Variants in VPS13B observed in about 807,000 individuals in gnomAD.
VPS13B encodes the protein vacuolar protein sorting 13 homolog B.
VPS13B carries 285 observed loss-of-function variants against 426.4 expected under a neutral mutation model. The ratio of observed to expected loss-of-function variants is 0.67; its 90% CI spans 0.61 to 0.74. The LOEUF is 0.74. Ranked by LOEUF, VPS13B falls within the 30% of genes least tolerant of loss-of-function variation. The pLI, the probability that VPS13B is intolerant of heterozygous loss-of-function variation, is 0.00. For missense variants in VPS13B, 4,537 were observed against 4,782.6 expected, an observed-to-expected ratio of 0.95 and a Z score of 1.51; for synonymous variants, 1,676 against 1,676.4, an observed-to-expected ratio of 1.00 and a Z score of 0.01.
intron 34 of VPS13B, among the ~76,000 whole-genome samples, chr8:99,649,631 C>T (rs199988479): frequency 8.7e-6 from 1 of 114,376 alleles, no homozygotes; most frequent in African/African-American, 2.9e-5. Context: ...TACATACACA[C>T]ACACACACAC....
At chr8:99,672,768 G>A (rs768305640) in intron 35 of VPS13B, among the ~76,000 whole-genome samples, 15 of 151,904 alleles carry the variant, frequency 9.9e-5, no homozygotes, top group African/African-American at 3.6e-4. Flanking sequence ...AATATGATGT[G>A]ACCTGTGAAT....
intron 30 of VPS13B, among the ~76,000 whole-genome samples, chr8:99,530,764 G>A (rs1563779142): frequency 6.6e-6 from 1 of 152,110 alleles, no homozygotes; most frequent in East Asian, 1.9e-4. Context: ...AATCTCATGA[G>A]TCAGGTATTA....
chr8:99,396,220 A>C (rs1814718944), intron 21 of VPS13B, among the ~76,000 whole-genome samples: 7 of 152,170 alleles, frequency 4.6e-5, no homozygotes, highest in Admixed American at 4.6e-4. Flanking sequence ...ATTTGGAATT[A>C]TCTATGTATC....
At chr8:99,858,647 T>C (rs536726491) in intron 56 of VPS13B, among the ~76,000 whole-genome samples, 11 of 151,672 alleles carry the variant, frequency 7.3e-5, no homozygotes, top group African/African-American at 2.7e-4. Context: ...ATTGCACCAC[T>C]GCACTCCAGC....
intron 3 of VPS13B, among the ~76,000 whole-genome samples, chr8:99,074,842 G>C (rs1026167545): frequency 2.6e-5 from 4 of 151,924 alleles, no homozygotes; most frequent in Non-Finnish European, 5.9e-5. Context: ...TCACCATGTT[G>C]GTCAGGCTGG....
intron 16 of VPS13B, among the ~76,000 whole-genome samples, chr8:99,189,171 G>A (rs6983538): frequency 0.72 from 110,087 of 151,906 alleles, 40,541 homozygotes; most frequent in Middle Eastern, 0.83. Context: ...GGATGGTCTC[G>A]ATCTCCTGAC....
At chr8:99,308,578 A>G (rs914263331) in intron 19 of VPS13B, among the ~76,000 whole-genome samples, 1 of 152,058 alleles carries the variant, frequency 6.6e-6, no homozygotes, top group Non-Finnish European at 1.5e-5. Flanking sequence ...CCAGTCTATC[A>G]TTGTTGGACA....
intron 19 of VPS13B, 91 bp downstream of exon 19, chr8:99,275,345 T>C: frequency 7.7e-7 from 1 of 1,290,398 alleles, no homozygotes; most frequent in Non-Finnish European, 1.0e-6. Flanking sequence ...ATTTTTTTTT[T>C]TTTAGGTATT....
At chr8:99,508,041 T>G (rs1821591664) in intron 28 of VPS13B, 1 of 1,409,784 alleles carries the variant, frequency 7.1e-7, no homozygotes, top group African/African-American at 1.4e-5. Context: ...AAATGAAGTA[T>G]AATGTAATTT....
chr8:99,592,823 CT>C (rs1240365298), intron 33 of VPS13B, among the ~76,000 whole-genome samples: 6 of 152,106 alleles, frequency 3.9e-5, no homozygotes, highest in African/African-American at 1.4e-4. Context: ...AAAGGACTCT[CT>C]GTTTAATAAA....
At chr8:99,725,903 A>G (rs1435198380) in intron 39 of VPS13B, among the ~76,000 whole-genome samples, 3 of 152,208 alleles carry the variant, frequency 2.0e-5, no homozygotes, top group Non-Finnish European at 4.4e-5. Context: ...TTAAATACAG[A>G]GATATATTAA....
Position 99,516,114 on chromosome 8 carries a change from G to C in VPS13B, c.4633+4602G>C, listed in dbSNP as rs147521810. 2.9e-3 allele frequency among the ~76,000 whole-genome samples: 434 copies of C among 152,208 alleles called. 3 individuals are homozygous for C. Among genetic ancestry groups the C allele is most frequent in the African/African-American group, 1.0e-2 (414 of 41,550 alleles). ...TGCAAATACAAAAATGCATGCCAAAGTTTCAGATTTTGACACATTATGTTA... is the reference window on the plus strand; with the variant it reads ...TGCAAATACAAAAATGCATGCCAAACTTTCAGATTTTGACACATTATGTTA... On this transcript the variant is annotated intron_variant, in intron 29 of 61. Coordinates refer to ENST00000357162, the MANE Select transcript of VPS13B (RefSeq NM_152564.5).
At position 99,591,169 on chromosome 8, in the gene VPS13B, T is replaced by A. The variant is rs537888694; in HGVS notation, c.5220+13536T>A. ...GACTAGGATTGCAACCGCTCCTTTT[T>A]TTTTTTTTTTTTTTTGCTTTCCATT... On this transcript the variant is annotated intron_variant, in intron 33 of 61. Transcript: ENST00000357162. 4.1e-5 allele frequency among the ~76,000 whole-genome samples: 6 copies of A among 147,992 alleles called. No individual in the cohort carries two copies. The East Asian group carries it at 1.2e-3, about 29-fold the overall frequency.
intron 29 of VPS13B, among the ~76,000 whole-genome samples, chr8:99,515,060 T>C (rs1005497331): frequency 6.6e-6 from 1 of 152,228 alleles, no homozygotes; most frequent in Non-Finnish European, 1.5e-5. Context: ...TCTAGCTTTA[T>C]TTTCTGTGAT....
intron 17 of VPS13B, among the ~76,000 whole-genome samples, chr8:99,212,416 A>G (rs1253195272): frequency 6.6e-6 from 1 of 152,190 alleles, no homozygotes; most frequent in African/African-American, 2.4e-5. Context: ...CCATCAGACA[A>G]ATAGGCTCTT....
intron 5 of VPS13B, among the ~76,000 whole-genome samples, chr8:99,106,840 G>T (rs1350019794): frequency 3.3e-5 from 5 of 152,184 alleles, no homozygotes. Context: ...GGTTCTGCCT[G>T]CACTGGTCTT....
At chr8:99,651,120 A>G (rs1407329913) in intron 34 of VPS13B, among the ~76,000 whole-genome samples, 1 of 152,154 alleles carries the variant, frequency 6.6e-6, no homozygotes. Flanking sequence ...GTGAACAACA[A>G]GGGATGACTT....
intron 43 of VPS13B, among the ~76,000 whole-genome samples, chr8:99,791,743 A>C (rs1035937593): frequency 6.7e-6 from 1 of 148,796 alleles, no homozygotes; most frequent in Non-Finnish European, 1.5e-5. Context: ...AAAAAAAAAA[A>C]CTACCTGAAG....
intron 33 of VPS13B, among the ~76,000 whole-genome samples, chr8:99,624,410 A>T (rs148852965): frequency 6.6e-5 from 10 of 152,268 alleles, no homozygotes; most frequent in South Asian, 2.1e-4. Flanking sequence ...TGTAACTCAT[A>T]GAAGATGCCA....
Sources: gnomAD v4.1 joint callset for allele counts (sites outside exome capture counted in the v4.1 genomes callset) on GRCh38, gnomAD v4.1.1 for gene constraint, MANE v1.5 for transcripts, NCBI Gene and HGNC (gene_info 2026-07-23, HGNC 2026-07-21) for gene names.